Variants in STK3 observed in about 807,000 individuals in gnomAD.
The protein encoded by STK3 is serine/threonine kinase 3, also known as serine/threonine-protein kinase 3.
Under a neutral mutation model 58.0 loss-of-function variants are expected in STK3, and 41 were observed. That is an observed-to-expected ratio of 0.71 (90% CI 0.55 to 0.92). STK3 has a LOEUF of 0.92. STK3 is among the 40% of genes least tolerant of loss of function. The pLI, the probability that STK3 is intolerant of heterozygous loss-of-function variation, is 0.00. For missense variants in STK3, 479 were observed against 602.7 expected, an observed-to-expected ratio of 0.79 and a Z score of 2.15; for synonymous variants, 170 against 191.0, an observed-to-expected ratio of 0.89 and a Z score of 0.91.
At chr8:98,613,855 A>C (rs1817408925) in intron 6 of STK3, among the ~76,000 whole-genome samples, 1 of 152,172 alleles carries the variant, frequency 6.6e-6, no homozygotes, top group South Asian at 2.1e-4. Flanking sequence ...TGATGGAAGA[A>C]ATATAACATG....
At chr8:98,546,567 G>T (rs1810720173) in intron 9 of STK3, among the ~76,000 whole-genome samples, 1 of 152,150 alleles carries the variant, frequency 6.6e-6, no homozygotes, top group African/African-American at 2.4e-5. Flanking sequence ...GATATTACAT[G>T]TTGATGAAAA....
chr8:98,545,372 A>G (rs1810616102), intron 9 of STK3, among the ~76,000 whole-genome samples: 1 of 152,204 alleles, frequency 6.6e-6, no homozygotes, highest in Non-Finnish European at 1.5e-5. Context: ...GAATAGGAAG[A>G]CTGGGAGCGG....
downstream of STK3, chr8:98,881,484 G>T (rs1837791834): frequency 6.6e-6 from 1 of 152,160 alleles, no homozygotes; most frequent in African/African-American, 2.4e-5. Context: ...CCCATAGAAT[G>T]TACCACACAA....
chr8:98,546,102 C>T (rs965506893), intron 9 of STK3, among the ~76,000 whole-genome samples: 5 of 152,074 alleles, frequency 3.3e-5, no homozygotes, highest in African/African-American at 9.7e-5. Context: ...TGCTGAGGTC[C>T]ATAAAACAAC....
intron 6 of STK3, among the ~76,000 whole-genome samples, chr8:98,671,298 T>C (rs1201386528): frequency 6.6e-6 from 1 of 152,116 alleles, no homozygotes; most frequent in Non-Finnish European, 1.5e-5. Flanking sequence ...CCCAGAACTA[T>C]TGTCTGAATC....
intron 4 of STK3, among the ~76,000 whole-genome samples, chr8:98,710,924 A>T (rs1343037731): frequency 6.6e-6 from 1 of 152,138 alleles, no homozygotes; most frequent in Non-Finnish European, 1.5e-5. Context: ...ACAGCCCGGT[A>T]CTCCTCTGAG....
intron 4 of STK3, among the ~76,000 whole-genome samples, chr8:98,713,708 G>A (rs1279406856): frequency 2.0e-5 from 3 of 152,116 alleles, no homozygotes; most frequent in African/African-American, 4.8e-5. Context: ...ACAAGGAGGA[G>A]CTGGTATCAT....
At chr8:98,481,624 G>A (rs1443251965) in intron 10 of STK3, among the ~76,000 whole-genome samples, 1 of 151,596 alleles carries the variant, frequency 6.6e-6, no homozygotes, top group African/African-American at 2.4e-5. Flanking sequence ...TCACCTACTG[G>A]GTACACTATT....
At chr8:98,770,664 CCTAA>C (rs1393723951) in intron 2 of STK3, among the ~76,000 whole-genome samples, 4 of 152,146 alleles carry the variant, frequency 2.6e-5, no homozygotes, top group African/African-American at 4.8e-5. Flanking sequence ...TCACATACTC[CCTAA>C]CTATGTTGAC....
At chr8:98,495,543 A>C (rs1823066419) in intron 10 of STK3, among the ~76,000 whole-genome samples, 1 of 152,206 alleles carries the variant, frequency 6.6e-6, no homozygotes, top group Admixed American at 6.6e-5. Flanking sequence ...GAATTAGCCA[A>C]ACCTTCTGTT....
chr8:98,653,926 C>A (rs1373931232), intron 6 of STK3, among the ~76,000 whole-genome samples: 1 of 152,184 alleles, frequency 6.6e-6, no homozygotes. Context: ...TGGTACCATT[C>A]CTTCTGAAAC....
chr8:98,766,140 C>T (rs556681942), intron 3 of STK3, among the ~76,000 whole-genome samples: 43 of 152,290 alleles, frequency 2.8e-4, no homozygotes, highest in African/African-American at 1.0e-3. Context: ...GGAAGATGCC[C>T]TGCCTTCTTC....
chr8:98,763,241 A>C (rs760379151), intron 3 of STK3, among the ~76,000 whole-genome samples: 1 of 152,200 alleles, frequency 6.6e-6, no homozygotes, highest in Non-Finnish European at 1.5e-5. Flanking sequence ...CCATTTAATA[A>C]ATACTCATTA....
intron 3 of STK3, chr8:98,429,525 G>T (rs749842173): frequency 4.0e-6 from 3 of 749,582 alleles, no homozygotes; most frequent in African/African-American, 1.8e-5. Context: ...GCCCCTGAGG[G>T]GAGAGATGCA....
chr8:98,522,969 C>T (rs1488584880), intron 10 of STK3, among the ~76,000 whole-genome samples: 1 of 152,166 alleles, frequency 6.6e-6, no homozygotes, highest in Non-Finnish European at 1.5e-5. Context: ...GTTGCTTCTA[C>T]CTTTTTGTCA....
At chr8:98,562,844 C>A (rs1372346708) in intron 8 of STK3, among the ~76,000 whole-genome samples, 2 of 142,664 alleles carry the variant, frequency 1.4e-5, no homozygotes, top group Admixed American at 1.5e-4. Context: ...CCCAAAAGTT[C>A]AAGACAGTGA....
At chr8:98,614,752 G>A (rs1411371665) in intron 6 of STK3, among the ~76,000 whole-genome samples, 4 of 152,118 alleles carry the variant, frequency 2.6e-5, no homozygotes, top group Non-Finnish European at 5.9e-5. Flanking sequence ...TTTTCAGACC[G>A]GCTTAAAAAA....
chr8:98,693,859 G>T (rs1018814393), intron 6 of STK3, among the ~76,000 whole-genome samples: 11 of 135,570 alleles, frequency 8.1e-5, no homozygotes, highest in African/African-American at 2.9e-4. Context: ...ATTATTAATT[G>T]AGCAGGAAAG....
chr8:98,855,111 A>G (rs1257167205), intron 3 of STK3, among the ~76,000 whole-genome samples: 1 of 152,230 alleles, frequency 6.6e-6, no homozygotes, highest in East Asian at 1.9e-4. Context: ...AAACTGATCT[A>G]TAGATTCAAT....
Sources: allele counts gnomAD v4.1 joint callset (sites outside exome capture counted in the v4.1 genomes callset), GRCh38; gene constraint gnomAD v4.1.1; transcripts MANE v1.5; gene names NCBI Gene and HGNC (gene_info 2026-07-23, HGNC 2026-07-21).